The following PARD3B variants were observed in gnomAD, a reference collection of about 807,000 sequenced individuals.
PARD3B encodes the protein par-3 family cell polarity regulator beta.
Under a neutral mutation model 130.2 loss-of-function variants are expected in PARD3B, and 103 were observed. The ratio of observed to expected loss-of-function variants is 0.79; its 90% CI spans 0.67 to 0.93. PARD3B has a LOEUF of 0.93. Among genes scored for constraint, PARD3B ranks in the 40% least tolerant of loss-of-function variants. PARD3B has a pLI of 0.00. For synonymous variants in PARD3B, 583 were observed against 553.2 expected (o/e 1.05, Z -0.76); for missense variants, 1,609 against 1,499.2 (o/e 1.07, Z -1.21).
intron 18 of PARD3B, among the ~76,000 whole-genome samples, chr2:205,398,517 A>C (rs569472703): frequency 6.3e-4 from 96 of 152,334 alleles, no homozygotes; most frequent in Non-Finnish European, 1.1e-3. Context: ...GACTGGCTAC[A>C]ACCAAAAAAC....
intron 1 of PARD3B, among the ~76,000 whole-genome samples, chr2:204,681,355 G>A (rs987654602): frequency 6.6e-6 from 1 of 152,076 alleles, no homozygotes; most frequent in Non-Finnish European, 1.5e-5. Context: ...TATTGGACTT[G>A]CTAGGTGTTA....
chr2:204,883,496 T>C (rs538321612), intron 2 of PARD3B, among the ~76,000 whole-genome samples: 1 of 134,606 alleles, frequency 7.4e-6, no homozygotes, highest in East Asian at 2.2e-4. Context: ...TCTCTGAGGC[T>C]AGAGTGCAGT....
At chr2:205,476,649 T>C (rs1225074716) in intron 20 of PARD3B, among the ~76,000 whole-genome samples, 2 of 151,976 alleles carry the variant, frequency 1.3e-5, no homozygotes, top group African/African-American at 4.8e-5. Flanking sequence ...TGTTTGTTTG[T>C]TTTAGCAGGA....
rs1287711888 is a variant in PARD3B at position 204,991,788 on chromosome 2, ATC to A, written c.394+26468_394+26469del. Among the ~76,000 whole-genome samples the A allele has an allele frequency of 1.3e-4, 19 of 151,896 alleles. No individual in the cohort carries two copies. In the East Asian group the frequency reaches 1.9e-3, roughly 16 times the overall value. Reference sequence around the variant, plus strand: ...GCCATTCTAACTGGTGTGAGATGGTATCTCATAGTGGTTTTGATTTGCATTTC... The same window carrying A: ...GCCATTCTAACTGGTGTGAGATGGTATCATAGTGGTTTTGATTTGCATTTC... On this transcript the variant is annotated intron_variant, in intron 3 of 22. Coordinates refer to ENST00000406610, the MANE Select transcript of PARD3B (RefSeq NM_001302769.2).
chr2:205,493,964 T>C (rs2049830257), intron 20 of PARD3B, among the ~76,000 whole-genome samples: 1 of 151,996 alleles, frequency 6.6e-6, no homozygotes, highest in Non-Finnish European at 1.5e-5. Context: ...TTTCACCATG[T>C]TGGCCAGGCT....
intron 2 of PARD3B, among the ~76,000 whole-genome samples, chr2:204,773,387 C>T (rs7599107): frequency 0.017 from 2,641 of 151,258 alleles, 85 homozygotes; most frequent in African/African-American, 0.061. Flanking sequence ...CAAATATTTG[C>T]ATATATATAT....
At chr2:204,838,349 ATGTGTGTGTGTGTG>A (rs55688873) in intron 2 of PARD3B, among the ~76,000 whole-genome samples, 25 of 135,430 alleles carry the variant, frequency 1.8e-4, no homozygotes, top group South Asian at 7.8e-4. Flanking sequence ...TACCTGGCTA[ATGTGTGTGTGTGTG>A]TGTGTGTGTG....
At chr2:204,851,156 A>G (rs2044693610) in intron 2 of PARD3B, among the ~76,000 whole-genome samples, 1 of 152,136 alleles carries the variant, frequency 6.6e-6, no homozygotes, top group Non-Finnish European at 1.5e-5. Flanking sequence ...TACCAGAGGT[A>G]CTCCATTATT....
intron 21 of PARD3B, among the ~76,000 whole-genome samples, chr2:205,520,807 A>G (rs2051013857): frequency 6.6e-6 from 1 of 152,078 alleles, no homozygotes; most frequent in African/African-American, 2.4e-5. Context: ...ACATTAAACA[A>G]TCTTCAAAAC....
intron 18 of PARD3B, among the ~76,000 whole-genome samples, chr2:205,353,667 C>A (rs967647071): frequency 4.6e-5 from 7 of 152,046 alleles, no homozygotes; most frequent in Admixed American, 2.0e-4. Flanking sequence ...AAGACTGGGG[C>A]CTGGAGAAGT....
intron 18 of PARD3B, among the ~76,000 whole-genome samples, chr2:205,389,172 T>C (rs2105971644): frequency 6.6e-6 from 1 of 152,242 alleles, no homozygotes; most frequent in African/African-American, 2.4e-5. Flanking sequence ...GAGAATCAGT[T>C]CCATTTTATG....
At chr2:205,498,927 C>A (rs4675531) in intron 20 of PARD3B, among the ~76,000 whole-genome samples, 137,192 of 152,172 alleles carry the variant, frequency 0.9, 62,616 homozygotes, top group Non-Finnish European at 0.97. Flanking sequence ...CTGTAGTCTT[C>A]TGTATCCCTC....
chr2:205,377,435 C>G (rs2045105559), intron 18 of PARD3B, among the ~76,000 whole-genome samples: 1 of 152,052 alleles, frequency 6.6e-6, no homozygotes, highest in Admixed American at 6.5e-5. Flanking sequence ...AGGGGTTTAA[C>G]CACCAGTGTT....
At chr2:204,945,935 C>T (rs768709665) in intron 2 of PARD3B, among the ~76,000 whole-genome samples, 1 of 152,126 alleles carries the variant, frequency 6.6e-6, no homozygotes, top group Non-Finnish European at 1.5e-5. Context: ...TGCTCCCATG[C>T]GTTTGTGTGT....
chr2:204,970,784 G>A (rs1174352024), intron 3 of PARD3B, among the ~76,000 whole-genome samples: 1 of 152,174 alleles, frequency 6.6e-6, no homozygotes, highest in Non-Finnish European at 1.5e-5. Flanking sequence ...TTGTGATCTA[G>A]ATTACCTTGA....
rs930643457 is a variant in PARD3B, at chr2:205,091,312, C to T, written c.505-13114C>T. On this transcript the variant is annotated intron_variant, in intron 4 of 22. Transcript: ENST00000406610. The surrounding 1 kb of genome is among the most constrained non-coding windows in gnomAD (Gnocchi z 4.2). ...AGCTTGTAATAATTCATAATTTTGC[C>T]GTGGCACAAACTGCATCATTTACAC... Among the ~76,000 whole-genome samples the T allele has an allele frequency of 6.6e-6, 1 of 152,038 alleles. No individual in the cohort carries two copies. Among genetic ancestry groups the T allele is most frequent in the East Asian group, 1.9e-4 (1 of 5,188 alleles).
intron 21 of PARD3B, among the ~76,000 whole-genome samples, chr2:205,516,878 T>C (rs1231169628): frequency 6.6e-6 from 1 of 152,124 alleles, no homozygotes; most frequent in East Asian, 1.9e-4. Context: ...TTTTGCCCAT[T>C]TAGTATAATA....
chr2:205,152,583 T>C (rs1224900016), intron 10 of PARD3B, among the ~76,000 whole-genome samples: 1 of 152,222 alleles, frequency 6.6e-6, no homozygotes, highest in Admixed American at 6.5e-5. Context: ...CGTAGTTCTC[T>C]TGCCATGGTT....
At chr2:204,938,413 G>A (rs1195811830) in intron 2 of PARD3B, among the ~76,000 whole-genome samples, 1 of 152,158 alleles carries the variant, frequency 6.6e-6, no homozygotes, top group Non-Finnish European at 1.5e-5. Context: ...CACCCGTAGG[G>A]TTCTTCCACT....
Sources: allele counts gnomAD v4.1 joint callset (sites outside exome capture counted in the v4.1 genomes callset), GRCh38; gene constraint gnomAD v4.1.1; non-coding constraint Gnocchi (gnomAD v3.1); transcripts MANE v1.5; gene names NCBI Gene and HGNC (gene_info 2026-07-23, HGNC 2026-07-21).